Variants in DNAH11 observed in about 807,000 individuals in gnomAD.
The protein encoded by DNAH11 is axonemal beta dynein heavy chain 11.
In DNAH11, 442 loss-of-function variants were observed where a neutral mutation model predicts 526.0. The observed-to-expected ratio is 0.84, with a 90% confidence interval of 0.78 to 0.91. The LOEUF (loss-of-function observed/expected upper bound fraction) is 0.91, where lower values mean the gene tolerates loss of function less well. Among genes scored for constraint, DNAH11 ranks in the 40% least tolerant of loss-of-function variants. The probability of loss-of-function intolerance (pLI) is 0.00; values close to 1 mark genes in which losing one functional copy is unlikely to be tolerated. For synonymous variants in DNAH11, 2,461 were observed against 1,935.9 expected (o/e 1.27, Z -7.12); for missense variants, 6,989 against 5,448.7 (o/e 1.28, Z -8.90).
intron 63 of DNAH11, among the ~76,000 whole-genome samples, chr7:21,811,525 C>G (rs1271109334): frequency 6.6e-6 from 1 of 151,684 alleles, no homozygotes. Flanking sequence ...CATTCACATT[C>G]ACAGAGACAG....
In DNAH11 at chr7:21,778,909, T is replaced by A. The variant is rs779720758; in HGVS notation, c.9337-49T>A. ...TCCCAGCAATAAGCTCTATCTGGGA[T>A]TTGTTGTGAACAAGGCCAGTGACGT... On this transcript the variant is annotated intron_variant, in intron 56 of 81. Coordinates refer to ENST00000409508, the MANE Select transcript of DNAH11 (RefSeq NM_001277115.2). The A allele has an allele frequency of 2.8e-5, 45 of 1,590,830 alleles. No homozygotes were observed. In the South Asian group the frequency reaches 3.2e-4, roughly 11 times the overall value.
intron 9 of DNAH11, among the ~76,000 whole-genome samples, chr7:21,584,674 A>G (rs1467463668): frequency 6.6e-6 from 1 of 152,190 alleles, no homozygotes; most frequent in Non-Finnish European, 1.5e-5. Context: ...GCCTGTTGTT[A>G]TAAAATGACC....
chr7:21,838,904 G>A (rs1224953878), intron 65 of DNAH11, among the ~76,000 whole-genome samples: 1 of 151,926 alleles, frequency 6.6e-6, no homozygotes, highest in African/African-American at 2.4e-5. Flanking sequence ...CTAATTTTAA[G>A]GAATGGCCAA....
intron 55 of DNAH11, among the ~76,000 whole-genome samples, chr7:21,772,301 A>T (rs1043418640): frequency 6.6e-6 from 1 of 151,054 alleles, no homozygotes; most frequent in Non-Finnish European, 1.5e-5. Flanking sequence ...GAGCCTCCTC[A>T]TAAGGATCAT....
At chr7:21,567,491 T>G (rs921380558) in intron 6 of DNAH11, among the ~76,000 whole-genome samples, 3 of 152,224 alleles carry the variant, frequency 2.0e-5, no homozygotes, top group African/African-American at 4.8e-5. Context: ...ATACTTAAAT[T>G]GGATAGATCT....
At chr7:21,639,173 A>T in intron 28 of DNAH11, 108 bp downstream of exon 28, 5 of 1,339,328 alleles carry the variant, frequency 3.7e-6, no homozygotes, top group Non-Finnish European at 5.0e-6. Context: ...GCCAGGAACT[A>T]GAAAATCTGC....
chr7:21,660,246 T>C (rs1782188419), intron 30 of DNAH11, among the ~76,000 whole-genome samples: 2 of 152,090 alleles, frequency 1.3e-5, no homozygotes, highest in Admixed American at 1.3e-4. Context: ...TTTATTGATA[T>C]TTATGCTTTT....
At chr7:21,701,663 G>A (rs1784067034) in intron 36 of DNAH11, among the ~76,000 whole-genome samples, 2 of 152,276 alleles carry the variant, frequency 1.3e-5, no homozygotes, top group East Asian at 1.9e-4. Flanking sequence ...AAAAATGATG[G>A]TCGAGACCTA....
At chr7:21,543,875 T>C (rs895683546) in intron 1 of DNAH11, 1 of 473,726 alleles carries the variant, frequency 2.1e-6, no homozygotes. Context: ...ACCAGCGCTT[T>C]CTTTAGCTGC....
chr7:21,787,300 C>A, intron 59 of DNAH11, 101 bp from the exon 60 acceptor site: 2 of 1,240,426 alleles, frequency 1.6e-6, no homozygotes, highest in Non-Finnish European at 1.1e-6. Context: ...GCCAATTTTG[C>A]TTTTGTAATG....
At chr7:21,829,939 GT>G (rs768892982) in intron 65 of DNAH11, among the ~76,000 whole-genome samples, 3 of 152,186 alleles carry the variant, frequency 2.0e-5, no homozygotes, top group Non-Finnish European at 4.4e-5. Context: ...ATTCCCAAGT[GT>G]TTTTAACGTG....
chr7:21,682,326 A>G (rs1238490739), intron 31 of DNAH11, among the ~76,000 whole-genome samples: 1 of 152,088 alleles, frequency 6.6e-6, no homozygotes, highest in Admixed American at 6.6e-5. Context: ...GGAGATCGAG[A>G]CCATCCTGGC....
At chr7:21,760,087 A>G (rs558430560) in intron 54 of DNAH11, among the ~76,000 whole-genome samples, 5 of 149,732 alleles carry the variant, frequency 3.3e-5, no homozygotes, top group East Asian at 2.0e-4. Context: ...ACTTAAGCCA[A>G]TTTGCTCACT....
chr7:21,840,456 T>G (rs577245197), intron 65 of DNAH11, among the ~76,000 whole-genome samples: 5 of 152,336 alleles, frequency 3.3e-5, no homozygotes, highest in African/African-American at 1.2e-4. Flanking sequence ...AATTTTCATA[T>G]GTAAGGTAAA....
chr7:21,756,229 T>C (rs897845125), intron 54 of DNAH11, among the ~76,000 whole-genome samples: 1 of 152,130 alleles, frequency 6.6e-6, no homozygotes, highest in African/African-American at 2.4e-5. Flanking sequence ...ATAAGATGGC[T>C]TTCCTACTGT....
At position 21,614,829 on chromosome 7, in the gene DNAH11, A is replaced by T. The variant is rs113674305; in HGVS notation, c.3853-285A>T. The stretch of plus-strand genomic sequence containing the variant: ...AGCTCTCGGTACAAAAACCAAGAGG[A>T]AAAATTGTATTCAGAGAAATCTGAT... On this transcript the variant is annotated intron_variant, in intron 20 of 81. Transcript: ENST00000409508. 3.0e-3 allele frequency among the ~76,000 whole-genome samples: 456 copies of T among 152,318 alleles called. 2 individuals carry two copies. The highest frequency in any genetic ancestry group is 0.01 in the African/African-American group (427 of 41,578).
intron 26 of DNAH11, 128 bp from the exon 27 acceptor site, chr7:21,637,483 C>G: frequency 1.5e-6 from 1 of 677,978 alleles, no homozygotes; most frequent in Non-Finnish European, 2.6e-6. Flanking sequence ...TGGTGTCAGA[C>G]ATTCTTAGAA....
At chr7:21,710,159 G>A (rs531328172) in intron 40 of DNAH11, among the ~76,000 whole-genome samples, 2 of 152,288 alleles carry the variant, frequency 1.3e-5, no homozygotes, top group East Asian at 1.9e-4. Context: ...AATGGAGACA[G>A]GTGAAATAAA....
At chr7:21,579,914 G>T (rs554275320) in intron 8 of DNAH11, among the ~76,000 whole-genome samples, 1 of 152,220 alleles carries the variant, frequency 6.6e-6, no homozygotes, top group East Asian at 1.9e-4. Flanking sequence ...GCATCCTGGA[G>T]ATGGAGGATA....
Sources: gnomAD v4.1 joint callset for allele counts (sites outside exome capture counted in the v4.1 genomes callset) on GRCh38, gnomAD v4.1.1 for gene constraint, MANE v1.5 for transcripts, NCBI Gene and HGNC (gene_info 2026-07-23, HGNC 2026-07-21) for gene names.